Variants in SLC41A2 observed in about 807,000 individuals in gnomAD.
SLC41A2 encodes solute carrier family 41 member 2, also known as SLC41A1-like 1.
In SLC41A2, 32 loss-of-function variants were observed where a neutral mutation model predicts 58.3. The observed-to-expected ratio is 0.55, with a 90% CI of 0.41 to 0.74. The LOEUF (loss-of-function observed/expected upper bound fraction) is 0.74, where lower values mean the gene tolerates loss of function less well. SLC41A2 is among the 30% of genes least tolerant of loss of function. The probability of loss-of-function intolerance (pLI) is 0.00; values close to 1 mark genes in which losing one functional copy is unlikely to be tolerated. For synonymous variants in SLC41A2, 190 were observed against 235.0 expected, an observed-to-expected ratio of 0.81 and a Z score of 1.75; for missense variants, 514 against 680.6, an observed-to-expected ratio of 0.76 and a Z score of 2.72.
intron 8 of SLC41A2, among the ~76,000 whole-genome samples, chr12:104,859,822 T>C (rs2043140955): frequency 6.6e-6 from 1 of 151,936 alleles, no homozygotes; most frequent in Non-Finnish European, 1.5e-5. Flanking sequence ...AACCTCTGCC[T>C]CCCTCCCAGG....
At chr12:104,952,578 T>C (rs1593199957) in intron 1 of SLC41A2, among the ~76,000 whole-genome samples, 1 of 152,198 alleles carries the variant, frequency 6.6e-6, no homozygotes, top group East Asian at 1.9e-4. Flanking sequence ...TGTCATTTCC[T>C]CTAAGATAAA....
chr12:104,834,678 A>AT (rs1307684609), intron 10 of SLC41A2, among the ~76,000 whole-genome samples: 1 of 151,820 alleles, frequency 6.6e-6, no homozygotes, highest in East Asian at 1.9e-4. Context: ...TAGCATCATG[A>AT]TTTAAAAAAA....
At chr12:104,901,751 C>T (rs559844079) in intron 3 of SLC41A2, among the ~76,000 whole-genome samples, 28 of 152,164 alleles carry the variant, frequency 1.8e-4, no homozygotes, top group Non-Finnish European at 2.9e-4. Flanking sequence ...GATTTCACCA[C>T]ATTCCCCAGT....
At chr12:104,910,938 CT>C (rs1404270271) in intron 2 of SLC41A2, among the ~76,000 whole-genome samples, 3 of 152,156 alleles carry the variant, frequency 2.0e-5, no homozygotes, top group African/African-American at 7.2e-5. Flanking sequence ...AGTCTGGCAA[CT>C]TTTTAAGTCT....
chr12:104,839,706 T>C (rs1199886681), intron 10 of SLC41A2, among the ~76,000 whole-genome samples: 4 of 152,100 alleles, frequency 2.6e-5, no homozygotes, highest in Non-Finnish European at 4.4e-5. Flanking sequence ...TGTTTCACCA[T>C]GTTGGTCAGG....
rs1471335795 is a variant in SLC41A2 at position 104,803,451 on chromosome 12, A to G, written c.*1701T>C. 2 of 152,162 alleles carry G rather than the reference A, an allele frequency of 1.3e-5. No individual in the cohort carries two copies. The highest frequency in any genetic ancestry group is 4.8e-5 in the African/African-American group (2 of 41,460). The allele number at this position is 152,162 out of a possible 1,614,324, so 9.4% of individuals were successfully genotyped here. ...GAAGTTTAAAAATAAGCAAAAATAT[A>G]TAACTCTAAACCACAGTCCCCTCAT... On this transcript the variant is annotated 3_prime_UTR_variant, in exon 11 of 11. Transcript: ENST00000258538.
At chr12:104,881,821 T>C (rs2044385398) in intron 6 of SLC41A2, among the ~76,000 whole-genome samples, 1 of 152,192 alleles carries the variant, frequency 6.6e-6, no homozygotes, top group Non-Finnish European at 1.5e-5. Context: ...TCTGTAGATG[T>C]CTATTAGGTC....
chr12:104,807,558 G>T (rs1287469266), intron 10 of SLC41A2, among the ~76,000 whole-genome samples: 1 of 152,038 alleles, frequency 6.6e-6, no homozygotes, highest in African/African-American at 2.4e-5. Flanking sequence ...GCTCTTTTTT[G>T]GTTCCATATG....
chr12:104,851,355 T>C (rs2136363722), intron 8 of SLC41A2, among the ~76,000 whole-genome samples: 1 of 152,210 alleles, frequency 6.6e-6, no homozygotes, highest in South Asian at 2.1e-4. Context: ...AATAAATCAT[T>C]TGGTGCCCAT....
At chr12:104,892,035 C>A (rs929919991) in intron 4 of SLC41A2, among the ~76,000 whole-genome samples, 1 of 152,138 alleles carries the variant, frequency 6.6e-6, no homozygotes, top group Non-Finnish European at 1.5e-5. Context: ...AGCAGTGGCT[C>A]ACACCTGTAA....
chr12:104,858,749 C>T (rs537645833), intron 8 of SLC41A2, among the ~76,000 whole-genome samples: 7 of 152,146 alleles, frequency 4.6e-5, no homozygotes, highest in Non-Finnish European at 7.4e-5. Context: ...TGAGCTCAAG[C>T]GATCCACCTG....
chr12:104,831,774 T>C (rs2042044943), intron 10 of SLC41A2, among the ~76,000 whole-genome samples: 1 of 152,182 alleles, frequency 6.6e-6, no homozygotes, highest in Non-Finnish European at 1.5e-5. Flanking sequence ...TATTTATATC[T>C]AACATAGAAA....
At chr12:104,954,109 C>A (rs772487793) in intron 1 of SLC41A2, among the ~76,000 whole-genome samples, 1 of 152,104 alleles carries the variant, frequency 6.6e-6, no homozygotes, top group Non-Finnish European at 1.5e-5. Context: ...TTTTTAACAT[C>A]CTCACTTTTA....
intron 2 of SLC41A2, among the ~76,000 whole-genome samples, chr12:104,919,671 G>A (rs2046499536): frequency 6.6e-6 from 1 of 151,998 alleles, no homozygotes; most frequent in South Asian, 2.1e-4. Context: ...TGGGTCTTCT[G>A]CCAATTTTCT....
chr12:104,875,752 C>T (rs2044010611), intron 6 of SLC41A2, among the ~76,000 whole-genome samples: 2 of 152,120 alleles, frequency 1.3e-5, no homozygotes, highest in Admixed American at 6.5e-5. Context: ...ATAATCATGC[C>T]ACTGCACTCC....
chr12:104,833,334 AC>A (rs2042102350), intron 10 of SLC41A2, among the ~76,000 whole-genome samples: 1 of 152,192 alleles, frequency 6.6e-6, no homozygotes, highest in Non-Finnish European at 1.5e-5. Flanking sequence ...CTAGGGGCCA[AC>A]CAAACAATGG....
intron 2 of SLC41A2, among the ~76,000 whole-genome samples, chr12:104,911,949 T>C (rs1388696428): frequency 6.6e-6 from 1 of 152,206 alleles, no homozygotes; most frequent in East Asian, 1.9e-4. Flanking sequence ...AAGACATTGG[T>C]AGCAATGATG....
chr12:104,956,096 A>G (rs927968216), intron 1 of SLC41A2, among the ~76,000 whole-genome samples: 3 of 152,220 alleles, frequency 2.0e-5, no homozygotes, highest in Non-Finnish European at 4.4e-5. Flanking sequence ...CATAGAATAT[A>G]TGAAAATACC....
intron 10 of SLC41A2, among the ~76,000 whole-genome samples, chr12:104,821,474 T>C (rs2041635927): frequency 6.6e-6 from 1 of 152,156 alleles, no homozygotes; most frequent in African/African-American, 2.4e-5. Flanking sequence ...GAATACATTG[T>C]GGAATATTCA....
Sources: allele counts gnomAD v4.1 joint callset (sites outside exome capture counted in the v4.1 genomes callset), GRCh38; gene constraint gnomAD v4.1.1; transcripts MANE v1.5; gene names NCBI Gene and HGNC (gene_info 2026-07-23, HGNC 2026-07-21).